ZNF536: variants seen among roughly 807,000 people sequenced by gnomAD.
ZNF536 encodes zinc finger protein 536.
In ZNF536, 13 loss-of-function variants were observed where a neutral mutation model predicts 84.5. That is an observed-to-expected ratio of 0.15 (90% CI 0.10 to 0.24). The LOEUF is 0.24. Among genes scored for constraint, ZNF536 ranks in the 10% least tolerant of loss-of-function variants. The pLI, the probability that ZNF536 is intolerant of heterozygous loss-of-function variation, is 1.00. For synonymous variants in ZNF536, 811 were observed against 742.5 expected (o/e 1.09, Z -1.50); for missense variants, 1,536 against 1,747.5 (o/e 0.88, Z 2.16).
At chr19:30,449,002 G>A (rs1264928745) in intron 2 of ZNF536, among the ~76,000 whole-genome samples, 1 of 152,172 alleles carries the variant, frequency 6.6e-6, no homozygotes, top group Non-Finnish European at 1.5e-5. Flanking sequence ...TGATTCCAGT[G>A]AACCAGAAAA....
intron 3 of ZNF536, among the ~76,000 whole-genome samples, chr19:30,364,089 G>A (rs145030629): frequency 1.3e-5 from 2 of 152,268 alleles, no homozygotes; most frequent in African/African-American, 2.4e-5. Flanking sequence ...GCAGGCAAGC[G>A]TGGAGGTGTA....
At chr19:30,501,305 G>T (rs746992213) in intron 2 of ZNF536, among the ~76,000 whole-genome samples, 3 of 152,180 alleles carry the variant, frequency 2.0e-5, no homozygotes, top group Non-Finnish European at 4.4e-5. Context: ...GGAAGCCAAG[G>T]TTTGGAGAAG....
Position 30,548,035 on chromosome 19 carries a change from C to A in ZNF536, c.2416C>A (p.Gln806Lys), listed in dbSNP as rs368192863. 1 of 1,613,914 alleles carries A rather than the reference C, an allele frequency of 6.2e-7. No homozygotes were observed. Among genetic ancestry groups the A allele is most frequent in the Non-Finnish European group, 8.5e-7 (1 of 1,179,960 alleles). ...YHLERHHRER[Q>K]NGAGPLSGQP... ...CTTAGAGCGACACCATCGGGAGCGG[C>A]AGAACGGGGCTGGGCCGCTGTCTGG... Residue 806 changes from glutamine (Q) to lysine (K), a missense_variant, in exon 4 of 5, where the codon CAG becomes AAG. Transcript: ENST00000355537.
At chr19:30,386,563 A>G (rs188284711) in intron 1 of ZNF536, among the ~76,000 whole-genome samples, 1 of 152,300 alleles carries the variant, frequency 6.6e-6, no homozygotes, top group African/African-American at 2.4e-5. Flanking sequence ...TGTTTGGTAG[A>G]GAGGGGGTCT....
chr19:30,626,862 T>A (rs2048700758), intron 1 of ZNF536, among the ~76,000 whole-genome samples: 1 of 152,106 alleles, frequency 6.6e-6, no homozygotes, highest in South Asian at 2.1e-4. Flanking sequence ...GCCACCTCGG[T>A]GTTGCATTTG....
At chr19:30,686,445 C>T (rs2051185730) in intron 1 of ZNF536, among the ~76,000 whole-genome samples, 1 of 152,194 alleles carries the variant, frequency 6.6e-6, no homozygotes, top group South Asian at 2.1e-4. Context: ...TGTGTGTGCA[C>T]ACCCAGGGGC....
chr19:30,489,704 A>G (rs2054433407), intron 2 of ZNF536, among the ~76,000 whole-genome samples: 1 of 152,268 alleles, frequency 6.6e-6, no homozygotes, highest in South Asian at 2.1e-4. Context: ...TACTTTAATC[A>G]GATTTAAATA....
intron 1 of ZNF536, among the ~76,000 whole-genome samples, chr19:30,697,741 G>A (rs981151563): frequency 6.6e-6 from 1 of 152,172 alleles, no homozygotes; most frequent in African/African-American, 2.4e-5. Flanking sequence ...GGGCAGTGGC[G>A]ATTTCTCAAA....
At chr19:30,683,088 T>C (rs2051038852) in intron 1 of ZNF536, among the ~76,000 whole-genome samples, 1 of 152,140 alleles carries the variant, frequency 6.6e-6, no homozygotes, top group African/African-American at 2.4e-5. Flanking sequence ...ATTATTCAGC[T>C]GTATTTAATT....
Position 30,375,162 on chromosome 19 carries a change from C to G in ZNF536, c.-3+2606C>G, listed in dbSNP as rs1311917113. On this transcript the variant is annotated intron_variant, in intron 1 of 4. Transcript: ENST00000355537. ...GGTCGCGGTGCAGGAACGCGAGCCC[C>G]GCCGCCGAGCCTCCCGCCGCCTGCG... 2.7e-5 allele frequency among the ~76,000 whole-genome samples: 4 copies of G among 150,336 alleles called. No individual in the cohort carries two copies. In the East Asian group the frequency reaches 7.9e-4, roughly 30 times the overall value.
In ZNF536 at chr19:30,580,219, G is replaced by T. The variant is rs1396175022; in HGVS notation, c.169+30705G>T. Among the ~76,000 whole-genome samples, 5 of 152,188 alleles carry T rather than the reference G, an allele frequency of 3.3e-5. 1 individual carries two copies. Among genetic ancestry groups the T allele is most frequent in the African/African-American group, 1.2e-4 (5 of 41,446 alleles). ...GGGTCCAGGCCACAGAGAGCCCCGGGCTGGGGACCCCTTCCCTGCTGTACC... is the reference window on the plus strand; with the variant it reads ...GGGTCCAGGCCACAGAGAGCCCCGGTCTGGGGACCCCTTCCCTGCTGTACC... On this transcript the variant is annotated intron_variant, in intron 1 of 1. Transcript: ENST00000592773.
At chr19:30,476,538 C>T (rs957462555) in intron 2 of ZNF536, among the ~76,000 whole-genome samples, 4 of 152,218 alleles carry the variant, frequency 2.6e-5, no homozygotes, top group African/African-American at 9.6e-5. Context: ...AACTGTTCAA[C>T]ATTGATTGTT....
chr19:30,515,400 G>T (rs752653404), intron 2 of ZNF536, among the ~76,000 whole-genome samples: 37 of 152,184 alleles, frequency 2.4e-4, no homozygotes, highest in Non-Finnish European at 4.4e-4. Context: ...TTTATGATAA[G>T]AGTTCAGATT....
intron 2 of ZNF536, among the ~76,000 whole-genome samples, chr19:30,456,507 CTGTT>C (rs1363651828): frequency 3.3e-5 from 5 of 152,150 alleles, no homozygotes; most frequent in East Asian, 1.9e-4. Flanking sequence ...CGGCTCTAGA[CTGTT>C]TGTTTTACGC....
At chr19:30,504,838 G>T (rs901903326) in intron 2 of ZNF536, among the ~76,000 whole-genome samples, 2 of 152,106 alleles carry the variant, frequency 1.3e-5, no homozygotes, top group African/African-American at 4.8e-5. Flanking sequence ...GTGACCTGGG[G>T]CGCCATTTCC....
chr19:30,432,483 G>A (rs939270267), intron 1 of ZNF536, among the ~76,000 whole-genome samples: 9 of 152,276 alleles, frequency 5.9e-5, no homozygotes, highest in South Asian at 4.2e-4. Context: ...TAGCATGGAG[G>A]ATGGAGTTGG....
intron 1 of ZNF536, among the ~76,000 whole-genome samples, chr19:30,655,716 C>T (rs2049884434): frequency 6.6e-6 from 1 of 152,148 alleles, no homozygotes; most frequent in Non-Finnish European, 1.5e-5. Flanking sequence ...TCCTTTTGCT[C>T]TTTAGTGTCT....
intron 1 of ZNF536, among the ~76,000 whole-genome samples, chr19:30,673,005 A>G (rs1350294286): frequency 2.6e-5 from 4 of 152,140 alleles, no homozygotes; most frequent in South Asian, 2.1e-4. Context: ...ATAAGAGCCC[A>G]TGACTGGAGA....
chr19:30,321,842 A>G lies in ZNF536; in HGVS notation c.-119-30526A>G, dbSNP rs142295958. The stretch of plus-strand genomic sequence containing the variant: ...GGCCAGGCCAGAATGCAGTGGTGCA[A>G]TCTCAGCTCACAGCAACCTCCGCCT... On this transcript the variant is annotated intron_variant, in intron 2 of 5. Transcript: ENST00000585628. 5.1e-3 allele frequency among the ~76,000 whole-genome samples: 764 copies of G among 149,810 alleles called. 9 individuals are homozygous for G. The highest frequency in any genetic ancestry group is 0.018 in the African/African-American group (736 of 40,642).
Sources: gnomAD v4.1 joint callset for allele counts (sites outside exome capture counted in the v4.1 genomes callset) on GRCh38, gnomAD v4.1.1 for gene constraint, MANE v1.5 for transcripts, NCBI Gene and HGNC (gene_info 2026-07-23, HGNC 2026-07-21) for gene names.